The following SLC44A5 variants were observed in gnomAD, a reference collection of about 807,000 sequenced individuals.
SLC44A5 encodes the protein choline transporter-like protein 5.
Under a neutral mutation model 101.8 loss-of-function variants are expected in SLC44A5, and 57 were observed. The ratio of observed to expected loss-of-function variants is 0.56; its 90% confidence interval spans 0.45 to 0.70. The LOEUF (loss-of-function observed/expected upper bound fraction) is 0.70, where lower values mean the gene tolerates loss of function less well. Ranked by LOEUF, SLC44A5 falls within the 30% of genes least tolerant of loss-of-function variation. SLC44A5 has a pLI of 0.00. For missense variants in SLC44A5, 737 were observed against 853.1 expected (o/e 0.86, Z 1.70); for synonymous variants, 281 against 290.9 (o/e 0.97, Z 0.35).
chr1:75,472,373 A>T (rs902385380), intron 2 of SLC44A5, among the ~76,000 whole-genome samples: 2 of 152,146 alleles, frequency 1.3e-5, no homozygotes, highest in Non-Finnish European at 2.9e-5. Context: ...CTGCAAAGTT[A>T]ATAACATCTT....
chr1:75,222,296 A>C (rs1647102361), intron 14 of SLC44A5, 65 bp downstream of exon 14: 1 of 1,194,698 alleles, frequency 8.4e-7, no homozygotes. Flanking sequence ...ATATTTATGC[A>C]AGGGACAGTG....
intron 3 of SLC44A5, among the ~76,000 whole-genome samples, chr1:75,387,340 C>A (rs1404544559): frequency 9.9e-5 from 14 of 141,850 alleles, no homozygotes; most frequent in Admixed American, 2.8e-4. Context: ...CCAGAATCTA[C>A]AATGAACTCA....
intron 2 of SLC44A5, among the ~76,000 whole-genome samples, chr1:75,406,780 T>C (rs1470033353): frequency 6.6e-6 from 1 of 152,090 alleles, no homozygotes; most frequent in East Asian, 1.9e-4. Flanking sequence ...CTGGAAGCAT[T>C]CCCTTTGAAA....
the SLC44A5 span, among the ~76,000 whole-genome samples, chr1:75,644,192 A>AG: frequency 6.6e-6 from 1 of 152,302 alleles, no homozygotes; most frequent in East Asian, 1.9e-4. Context: ...TTACTAAGAT[A>AG]GTAAAAAAAA....
intron 3 of SLC44A5, among the ~76,000 whole-genome samples, chr1:75,372,196 CA>C (rs770556856): frequency 0.26 from 21,513 of 81,756 alleles, 971 homozygotes; most frequent in Non-Finnish European, 0.29. Flanking sequence ...GACTCTGTCT[CA>C]AAAAAAAAAA....
At chr1:75,477,615 C>G (rs545356619) in intron 2 of SLC44A5, among the ~76,000 whole-genome samples, 3 of 152,216 alleles carry the variant, frequency 2.0e-5, no homozygotes, top group African/African-American at 7.2e-5. Flanking sequence ...GCAGAAGCCT[C>G]AGGAGCCGAT....
intron 4 of SLC44A5, among the ~76,000 whole-genome samples, chr1:75,324,281 G>A (rs76496839): frequency 6.6e-6 from 1 of 152,276 alleles, no homozygotes; most frequent in African/African-American, 2.4e-5. Context: ...TCAAAGCAAA[G>A]TGAAGAAAAA....
chr1:75,287,951 C>T (rs1653206401), intron 5 of SLC44A5, among the ~76,000 whole-genome samples: 4 of 152,100 alleles, frequency 2.6e-5, no homozygotes, highest in African/African-American at 4.8e-5. Flanking sequence ...GCTTTCAAGA[C>T]AGCATGTATA....
intron 1 of SLC44A5, among the ~76,000 whole-genome samples, chr1:75,605,922 C>T (rs1675298017): frequency 6.6e-6 from 1 of 151,934 alleles, no homozygotes; most frequent in Non-Finnish European, 1.5e-5. Flanking sequence ...GCAACATTGA[C>T]AATTTGCACT....
chr1:75,431,315 C>T (rs1216109146), intron 2 of SLC44A5, among the ~76,000 whole-genome samples: 3 of 152,036 alleles, frequency 2.0e-5, no homozygotes, highest in Non-Finnish European at 4.4e-5. Flanking sequence ...TCAGTGGTTC[C>T]CCTCCCCGCA....
intron 1 of SLC44A5, among the ~76,000 whole-genome samples, chr1:75,556,366 T>C (rs571550207): frequency 6.6e-6 from 1 of 152,262 alleles, no homozygotes; most frequent in East Asian, 1.9e-4. Context: ...ATGAAAGAGA[T>C]ATATTATGTT....
the SLC44A5 span, among the ~76,000 whole-genome samples, chr1:75,704,853 C>G: frequency 6.6e-6 from 1 of 152,128 alleles, no homozygotes; most frequent in African/African-American, 2.4e-5. Flanking sequence ...CAGCACTAAA[C>G]AACAGAATTA....
chr1:75,512,077 T>C (rs1015626041), intron 2 of SLC44A5, among the ~76,000 whole-genome samples: 1 of 152,116 alleles, frequency 6.6e-6, no homozygotes, highest in Non-Finnish European at 1.5e-5. Flanking sequence ...CCTCAATAAA[T>C]GAAAATGTGC....
intron 6 of SLC44A5, among the ~76,000 whole-genome samples, chr1:75,273,428 T>G: frequency 6.6e-6 from 1 of 152,148 alleles, no homozygotes. Flanking sequence ...ATAGAAGTGT[T>G]GCATGTAGAC....
At chr1:75,630,937 T>C in the SLC44A5 span, among the ~76,000 whole-genome samples, 1 of 146,290 alleles carries the variant, frequency 6.8e-6, no homozygotes, top group African/African-American at 2.5e-5. Flanking sequence ...AAGTCGCCTA[T>C]CCGGGGAGCC....
intron 4 of SLC44A5, among the ~76,000 whole-genome samples, chr1:75,330,340 C>G (rs1250956005): frequency 6.6e-6 from 1 of 152,008 alleles, no homozygotes; most frequent in Non-Finnish European, 1.5e-5. Flanking sequence ...CCCACCATCA[C>G]CACTGCCACC....
chr1:75,203,950 T>TTG, intron 23 of SLC44A5, 117 bp from the exon 24 acceptor site: 2 of 1,310,864 alleles, frequency 1.5e-6, no homozygotes, highest in Non-Finnish European at 2.0e-6. Context: ...GTTTTTTTTT[T>TTG]GTTGTTGTTT....
At chr1:75,705,524 A>G in the SLC44A5 span, among the ~76,000 whole-genome samples, 1 of 152,158 alleles carries the variant, frequency 6.6e-6, no homozygotes, top group African/African-American at 2.4e-5. Context: ...TTATTACTAT[A>G]CTCACAAAAC....
chr1:75,233,937 TA>T, intron 12 of SLC44A5, 48 bp downstream of exon 12: 1 of 1,345,136 alleles, frequency 7.4e-7, no homozygotes, highest in Non-Finnish European at 1.1e-6. Flanking sequence ...CGATTGAAAA[TA>T]AAAGGATTAT....
Sources: allele counts gnomAD v4.1 joint callset (sites outside exome capture counted in the v4.1 genomes callset), GRCh38; gene constraint gnomAD v4.1.1; transcripts MANE v1.5; gene names NCBI Gene and HGNC (gene_info 2026-07-23, HGNC 2026-07-21).